Variants in ZMAT4 observed in about 807,000 individuals in gnomAD.
ZMAT4 encodes zinc finger matrin-type protein 4.
In ZMAT4, 17 loss-of-function variants were observed where a neutral mutation model predicts 28.7. The observed-to-expected ratio is 0.59, with a 90% CI of 0.41 to 0.89. The LOEUF (loss-of-function observed/expected upper bound fraction) is 0.89, where lower values mean the gene tolerates loss of function less well. Among genes scored for constraint, ZMAT4 ranks in the 40% least tolerant of loss-of-function variants. The probability of loss-of-function intolerance (pLI) is 0.00; values close to 1 mark genes in which losing one functional copy is unlikely to be tolerated. For missense variants in ZMAT4, 240 were observed against 283.8 expected (o/e 0.85, Z 1.11); for synonymous variants, 117 against 109.2 (o/e 1.07, Z -0.44).
chr8:40,650,808 A>G (rs1312158455), intron 5 of ZMAT4, among the ~76,000 whole-genome samples: 2 of 151,164 alleles, frequency 1.3e-5, no homozygotes, highest in African/African-American at 4.9e-5. Flanking sequence ...GCATATAAAC[A>G]GAGCCAAAGA....
chr8:40,768,656 T>G (rs1031729501), intron 2 of ZMAT4, among the ~76,000 whole-genome samples: 3 of 152,192 alleles, frequency 2.0e-5, no homozygotes, highest in African/African-American at 7.2e-5. Context: ...GAGTCACATT[T>G]TCTCCATGTA....
chr8:40,727,878 G>T, intron 3 of ZMAT4, among the ~76,000 whole-genome samples: 1 of 152,040 alleles, frequency 6.6e-6, no homozygotes, highest in East Asian at 1.9e-4. Context: ...CTAAAATAAA[G>T]GAATGTTAAG....
chr8:40,590,044 G>A (rs1478167260), intron 5 of ZMAT4, among the ~76,000 whole-genome samples: 2 of 121,524 alleles, frequency 1.6e-5, no homozygotes, highest in Non-Finnish European at 3.3e-5. Flanking sequence ...CTTTTTAGAT[G>A]AGGACTTGCT....
In ZMAT4 at chr8:40,668,501, A is replaced by G. The variant is rs145815820; in HGVS notation, c.577+6203T>C. Among the ~76,000 whole-genome samples, 1,207 of 151,552 alleles carry G rather than the reference A, an allele frequency of 8.0e-3. 17 individuals are homozygous for G. The highest frequency in any genetic ancestry group is 0.027 in the African/African-American group (1,119 of 41,310). ...AAAAAAAAAAAGAAAAGAAAAAAGA[A>G]AAAAAAAGAAAATAATCCTCCTGAA... On this transcript the variant is annotated intron_variant, in intron 5 of 6. Coordinates refer to ENST00000297737, the MANE Select transcript of ZMAT4 (RefSeq NM_024645.3).
intron 1 of ZMAT4, among the ~76,000 whole-genome samples, chr8:40,889,413 T>C (rs1818585192): frequency 6.6e-6 from 1 of 152,338 alleles, no homozygotes; most frequent in South Asian, 2.1e-4. Flanking sequence ...TGCTTGAACA[T>C]TTGTGGTTGG....
intron 3 of ZMAT4, among the ~76,000 whole-genome samples, chr8:40,707,092 T>C (rs988546306): frequency 6.6e-6 from 1 of 152,152 alleles, no homozygotes; most frequent in Non-Finnish European, 1.5e-5. Flanking sequence ...CAACTAGAAA[T>C]GCCCCGTCTC....
At chr8:40,884,034 C>A (rs1818368037) in intron 1 of ZMAT4, among the ~76,000 whole-genome samples, 1 of 152,190 alleles carries the variant, frequency 6.6e-6, no homozygotes, top group Admixed American at 6.5e-5. Context: ...AACTCTCTGT[C>A]ATTGTCTGGC....
chr8:40,859,210 C>T (rs950525020), intron 1 of ZMAT4, among the ~76,000 whole-genome samples: 3 of 152,134 alleles, frequency 2.0e-5, no homozygotes, highest in African/African-American at 7.2e-5. Flanking sequence ...GCCGTGATTC[C>T]CCCTGCCTCA....
chr8:40,717,008 A>G (rs751760561), intron 3 of ZMAT4, among the ~76,000 whole-genome samples: 4 of 152,108 alleles, frequency 2.6e-5, no homozygotes, highest in African/African-American at 7.2e-5. Flanking sequence ...TGGATATAAA[A>G]CTCTGTCCTC....
chr8:40,619,660 C>G (rs553648020), intron 5 of ZMAT4, among the ~76,000 whole-genome samples: 11 of 152,154 alleles, frequency 7.2e-5, no homozygotes, highest in African/African-American at 2.7e-4. Context: ...TGGAGAGCAC[C>G]AGAGAGGGCA....
intron 2 of ZMAT4, among the ~76,000 whole-genome samples, chr8:40,821,811 TC>T (rs1179635139): frequency 6.6e-5 from 10 of 152,172 alleles, no homozygotes; most frequent in African/African-American, 1.9e-4. Context: ...TCCAAACTCT[TC>T]TTTCCTTGAT....
At chr8:40,555,621 T>C (rs1043891497) in intron 6 of ZMAT4, among the ~76,000 whole-genome samples, 2 of 152,162 alleles carry the variant, frequency 1.3e-5, no homozygotes, top group Admixed American at 6.5e-5. Flanking sequence ...ACACAGCTAA[T>C]GAGTTGTAGT....
rs569409661 is a variant in ZMAT4, at chr8:40,805,489, C to T, written c.102+20086G>A. On this transcript the variant is annotated intron_variant, in intron 2 of 6. Transcript: ENST00000297737. ...ATGCTGCTATAAAGACACATGCACA[C>T]GTATGTTTATTGAGGCATTATTCAC... Among the ~76,000 whole-genome samples the T allele has an allele frequency of 5.0e-3, 725 of 146,414 alleles. 13 individuals are homozygous for T. Among genetic ancestry groups the T allele is most frequent in the African/African-American group, 0.018 (689 of 39,100 alleles).
chr8:40,727,536 T>A (rs1268611181), intron 3 of ZMAT4, among the ~76,000 whole-genome samples: 2 of 152,130 alleles, frequency 1.3e-5, no homozygotes, highest in Non-Finnish European at 2.9e-5. Flanking sequence ...AGTGGATACT[T>A]GAACAAAATT....
chr8:40,540,098 G>T (rs191943775), intron 6 of ZMAT4, among the ~76,000 whole-genome samples: 1 of 152,180 alleles, frequency 6.6e-6, no homozygotes, highest in Non-Finnish European at 1.5e-5. Flanking sequence ...ACACATCAGC[G>T]TGATGAGGGA....
intron 6 of ZMAT4, among the ~76,000 whole-genome samples, chr8:40,570,653 T>C (rs559057516): frequency 6.6e-6 from 1 of 152,230 alleles, no homozygotes; most frequent in East Asian, 1.9e-4. Flanking sequence ...TGAGCTGAGA[T>C]GGAACCACTG....
chr8:40,681,650 G>C (rs1211172754), intron 4 of ZMAT4, among the ~76,000 whole-genome samples: 1 of 152,198 alleles, frequency 6.6e-6, no homozygotes, highest in Non-Finnish European at 1.5e-5. Context: ...CTTTTGTGTA[G>C]ATAGTAGATG....
At chr8:40,615,843 T>A (rs1052982689) in intron 5 of ZMAT4, among the ~76,000 whole-genome samples, 2 of 152,122 alleles carry the variant, frequency 1.3e-5, no homozygotes, top group Admixed American at 6.5e-5. Context: ...CTTTTTTCAA[T>A]GTTTTTAGAA....
intron 3 of ZMAT4, among the ~76,000 whole-genome samples, chr8:40,740,928 T>C (rs1385173593): frequency 6.6e-6 from 1 of 152,136 alleles, no homozygotes; most frequent in Admixed American, 6.5e-5. Flanking sequence ...GAAGAATCTA[T>C]TTCAGTGGGT....
Sources: gnomAD v4.1 joint callset for allele counts (sites outside exome capture counted in the v4.1 genomes callset) on GRCh38, gnomAD v4.1.1 for gene constraint, MANE v1.5 for transcripts, NCBI Gene and HGNC (gene_info 2026-07-23, HGNC 2026-07-21) for gene names.